The following TENM4 variants were observed in gnomAD, a reference collection of about 807,000 sequenced individuals.
TENM4 encodes the protein teneurin transmembrane protein 4.
TENM4 carries 82 observed loss-of-function variants against 243.3 expected under a neutral mutation model. The ratio of observed to expected loss-of-function variants is 0.34; its 90% CI spans 0.28 to 0.40. The LOEUF is 0.40. Among genes scored for constraint, TENM4 ranks in the 10% least tolerant of loss-of-function variants. TENM4 has a pLI of 1.00. For synonymous variants in TENM4, 1,412 were observed against 1,456.3 expected (o/e 0.97, Z 0.69); for missense variants, 3,138 against 3,673.3 (o/e 0.85, Z 3.77).
At chr11:78,871,350 T>C (rs923664673) in intron 9 of TENM4, among the ~76,000 whole-genome samples, 1 of 109,822 alleles carries the variant, frequency 9.1e-6, no homozygotes, top group East Asian at 4.1e-4. Context: ...GGAGCTCTCT[T>C]TGTTGGCATC....
rs543962069 is a variant in TENM4 at position 78,697,624 on chromosome 11, G to A, written c.5087+3902C>T. On this transcript the variant is annotated intron_variant, in intron 28 of 33. Coordinates refer to ENST00000278550, the MANE Select transcript of TENM4 (RefSeq NM_001098816.3). Reference sequence around the variant, plus strand: ...TATTTCCCTTCCATTCTGAATTTACGTGTCATTATAAAATATTGACTATCT... The same window carrying A: ...TATTTCCCTTCCATTCTGAATTTACATGTCATTATAAAATATTGACTATCT... Among the ~76,000 whole-genome samples, 5 of 152,030 alleles carry A rather than the reference G, an allele frequency of 3.3e-5. No individual in the cohort carries two copies. In the East Asian group the frequency reaches 5.8e-4, roughly 18 times the overall value.
chr11:78,994,801 G>A (rs1442558617), intron 6 of TENM4, among the ~76,000 whole-genome samples: 2 of 152,206 alleles, frequency 1.3e-5, no homozygotes, highest in African/African-American at 4.8e-5. Flanking sequence ...AGGGGATTTT[G>A]TGGTGAATAA....
At chr11:79,038,562 T>C (rs964500075) in intron 6 of TENM4, among the ~76,000 whole-genome samples, 2 of 152,226 alleles carry the variant, frequency 1.3e-5, no homozygotes, top group Non-Finnish European at 2.9e-5. Flanking sequence ...GGTGATGACT[T>C]TGACTTTTTG....
intron 2 of TENM4, among the ~76,000 whole-genome samples, chr11:79,237,452 G>A (rs2186574): frequency 0.064 from 9,799 of 152,224 alleles, 1,063 homozygotes; most frequent in African/African-American, 0.22. Context: ...CGAGGCAGGC[G>A]GATCACCTGA....
chr11:78,953,792 T>C (rs534849004), intron 6 of TENM4, among the ~76,000 whole-genome samples: 1 of 152,240 alleles, frequency 6.6e-6, no homozygotes, highest in East Asian at 1.9e-4. Context: ...GAGGTTGCTG[T>C]TGCGGGGAGG....
At chr11:79,305,784 G>A (rs1158139071) in intron 1 of TENM4, among the ~76,000 whole-genome samples, 1 of 152,184 alleles carries the variant, frequency 6.6e-6, no homozygotes, top group Non-Finnish European at 1.5e-5. Flanking sequence ...GGCTAGGAGG[G>A]AAGCTGGGAC....
In TENM4 at chr11:79,290,422, T is replaced by G. The variant is rs532234443; in HGVS notation, c.-265+7066A>C. Among the ~76,000 whole-genome samples, 3 of 152,340 alleles carry G rather than the reference T, an allele frequency of 2.0e-5. No individual in the cohort carries two copies. In the South Asian group the frequency reaches 6.2e-4, roughly 32 times the overall value. On this transcript the variant is annotated intron_variant, in intron 2 of 33. Coordinates refer to ENST00000278550, the MANE Select transcript of TENM4 (RefSeq NM_001098816.3). ...GATTTCCCAAGTCACCTAGAAGACT[T>G]ATTGCAGAACCTAGACTAGAATCTG...
intron 1 of TENM4, among the ~76,000 whole-genome samples, chr11:79,334,903 T>G (rs1857123285): frequency 6.6e-6 from 1 of 152,132 alleles, no homozygotes; most frequent in African/African-American, 2.4e-5. Flanking sequence ...GTCACCAACT[T>G]CCCATGATTT....
intron 2 of TENM4, among the ~76,000 whole-genome samples, chr11:79,284,960 A>G (rs1417488809): frequency 6.6e-6 from 1 of 152,182 alleles, no homozygotes; most frequent in East Asian, 1.9e-4. Flanking sequence ...AATATTGGCC[A>G]GGCACGGTGG....
chr11:79,238,079 G>A (rs1565263452), intron 2 of TENM4, among the ~76,000 whole-genome samples: 1 of 152,126 alleles, frequency 6.6e-6, no homozygotes, highest in African/African-American at 2.4e-5. Context: ...TAAGCTGGGA[G>A]CACTGCTGTA....
Position 79,148,788 on chromosome 11 carries a change from C to G in TENM4, c.-144G>C, listed in dbSNP as rs754851000. 182 of 981,556 alleles carry G rather than the reference C, an allele frequency of 1.9e-4. No homozygotes were observed. Among genetic ancestry groups the G allele is most frequent in the Non-Finnish European group, 2.2e-4 (181 of 826,366 alleles). The allele number at this position is 981,556 out of a possible 1,614,324, so 60.8% of individuals were successfully genotyped here. On this transcript the variant is annotated 5_prime_UTR_variant, in exon 4 of 34. An upstream start codon of the reference 5' UTR is lost. Transcript: ENST00000278550. ...GAAGTATGCAATTTTAATTTGGACA[C>G]ATGGTAATTTCAGTCTACCTGTTGA... is the stretch of plus-strand genomic sequence containing the variant.
At chr11:79,351,662 C>T (rs1191296977) in intron 1 of TENM4, among the ~76,000 whole-genome samples, 8 of 152,122 alleles carry the variant, frequency 5.3e-5, no homozygotes, top group African/African-American at 1.4e-4. Flanking sequence ...GCTGAGATTG[C>T]GCCACTGCAC....
intron 1 of TENM4, among the ~76,000 whole-genome samples, chr11:79,353,489 A>G (rs559334957): frequency 6.0e-4 from 92 of 152,156 alleles, no homozygotes; most frequent in African/African-American, 2.1e-3. Flanking sequence ...GACAAGCCAG[A>G]CTCTGAACTG....
chr11:79,033,598 A>G (rs1049713481), intron 6 of TENM4, among the ~76,000 whole-genome samples: 10 of 152,228 alleles, frequency 6.6e-5, no homozygotes, highest in African/African-American at 2.2e-4. Flanking sequence ...GTCTTGCACC[A>G]TAAACAGTCT....
In TENM4 at chr11:79,435,696, C is replaced by T. The variant is rs564449223; in HGVS notation, c.-321+4813G>A. Among the ~76,000 whole-genome samples the T allele has an allele frequency of 7.5e-4, 114 of 152,282 alleles. 3 individuals are homozygous for T. The South Asian group carries it at 0.021, about 28-fold the overall frequency. Reference sequence around the variant, plus strand: ...CAGGACAGGGGCTGAGAACCCCGGGCGGAGACTTGCACCACTGGTGCTTAT... The same window carrying T: ...CAGGACAGGGGCTGAGAACCCCGGGTGGAGACTTGCACCACTGGTGCTTAT... On this transcript the variant is annotated intron_variant, in intron 1 of 33. Transcript: ENST00000278550.
intron 2 of TENM4, among the ~76,000 whole-genome samples, chr11:79,282,428 A>G (rs1040162771): frequency 6.6e-6 from 1 of 152,234 alleles, no homozygotes; most frequent in Non-Finnish European, 1.5e-5. Flanking sequence ...AATGGCCACA[A>G]TTCAAAACTC....
chr11:78,832,480 G>T (rs17137225), intron 12 of TENM4, among the ~76,000 whole-genome samples: 13,382 of 152,262 alleles, frequency 0.088, 958 homozygotes, highest in African/African-American at 0.2. Flanking sequence ...GTTTGTAAAT[G>T]GATTTGCTTT....
chr11:79,138,625 ATATAT>A (rs1433813153), intron 4 of TENM4, among the ~76,000 whole-genome samples: 3 of 105,978 alleles, frequency 2.8e-5, no homozygotes, highest in South Asian at 5.5e-4. Flanking sequence ...TACATAAAAC[ATATAT>A]TATATTTATA....
Position 78,989,711 on chromosome 11 carries a change from G to A in TENM4, c.493+75027C>T, listed in dbSNP as rs112185664. Among the ~76,000 whole-genome samples, 1,015 of 152,196 alleles carry A rather than the reference G, an allele frequency of 6.7e-3. 8 individuals carry two copies. The highest frequency in any genetic ancestry group is 0.022 in the African/African-American group (908 of 41,510). On this transcript the variant is annotated intron_variant, in intron 6 of 33. Transcript: ENST00000278550. ...CGTCCCTGGATGCTCCCTCTCTTCGGAGCAGCAGTGCTTAATGAATGCAGC... is the reference window on the plus strand; with the variant it reads ...CGTCCCTGGATGCTCCCTCTCTTCGAAGCAGCAGTGCTTAATGAATGCAGC...
Sources: allele counts gnomAD v4.1 joint callset (sites outside exome capture counted in the v4.1 genomes callset), GRCh38; gene constraint gnomAD v4.1.1; transcripts MANE v1.5; gene names NCBI Gene and HGNC (gene_info 2026-07-23, HGNC 2026-07-21).